Variants in MIER1 observed in about 807,000 individuals in gnomAD.
MIER1 encodes the protein MIER1 transcriptional regulator, also known as mesoderm induction early response protein 1.
MIER1 carries 40 observed loss-of-function variants against 75.7 expected under a neutral mutation model. That is an observed-to-expected ratio of 0.53 (90% CI 0.41 to 0.69). The LOEUF (loss-of-function observed/expected upper bound fraction) is 0.69. Ranked by LOEUF, MIER1 falls within the 30% of genes least tolerant of loss-of-function variation. The pLI, the probability that MIER1 is intolerant of heterozygous loss-of-function variation, is 0.00. For synonymous variants in MIER1, 213 were observed against 223.4 expected (o/e 0.95, Z 0.42); for missense variants, 574 against 680.2 (o/e 0.84, Z 1.74).
Position 66,985,398 on chromosome 1 carries a change from A to AAT in MIER1, c.*499_*500insTA. On this transcript the variant is annotated 3_prime_UTR_variant, in exon 14 of 14. Transcript: ENST00000401041. ...ACCAAACAGTTTGAGTATCTTTATT[A>AAT]AGGAAACCCTTACGAATCCTGAAAA... The AAT allele has an allele frequency of 1.0e-6, 1 of 983,634 alleles. No individual in the cohort carries two copies. Among genetic ancestry groups the AAT allele is most frequent in the Non-Finnish European group, 1.2e-6 (1 of 828,142 alleles). 60.9% of individuals were successfully genotyped at this position (983,634 alleles called of 1,614,324 possible). A position where few individuals can be genotyped will look rare whatever the true frequency, so the allele number is the denominator to read the frequency against.
chr1:66,950,795 C>G (rs1358622955), intron 4 of MIER1, among the ~76,000 whole-genome samples: 1 of 151,018 alleles, frequency 6.6e-6, no homozygotes, highest in Non-Finnish European at 1.5e-5. Flanking sequence ...GTTTTATCTT[C>G]TAGTCAAGCC....
chr1:66,956,202 G>A (rs1377506412), intron 4 of MIER1, among the ~76,000 whole-genome samples: 3 of 152,098 alleles, frequency 2.0e-5, no homozygotes, highest in Non-Finnish European at 2.9e-5. Flanking sequence ...TGGGCAGATC[G>A]CTTGCATCCA....
intron 13 of MIER1, 32 bp from the exon 14 acceptor site, chr1:66,984,540 T>C: frequency 6.7e-7 from 1 of 1,488,832 alleles, no homozygotes; most frequent in Non-Finnish European, 9.1e-7. Flanking sequence ...TTTTTTCTAA[T>C]TGTGGTTTCA....
rs955573720 is a variant in MIER1 at position 66,984,813 on chromosome 1, T to C, written c.1611T>C (p.Asn537=). 2.5e-6 allele frequency: 4 copies of C among 1,613,532 alleles called. No individual in the cohort carries two copies. In the African/African-American group the frequency reaches 5.3e-5, roughly 22 times the overall value. ...CCAAAAGGCGAAGGGTAAACAGCAA[T>C]GGAAAAGAAAGTCCAGGTTCTTCTG... ...RPAKRRRVNS[N]GKESPGSSEF... Residue 537 remains asparagine (N), a synonymous_variant, in exon 14 of 14, where the codon AAT becomes AAC. Transcript: ENST00000401041.
At chr1:66,956,801 T>G (rs1303084907) in intron 4 of MIER1, among the ~76,000 whole-genome samples, 4 of 152,262 alleles carry the variant, frequency 2.6e-5, no homozygotes, top group Non-Finnish European at 5.9e-5. Flanking sequence ...ATAGAAGTTT[T>G]GGATGACAGT....
intron 7 of MIER1, 91 bp downstream of exon 7, chr1:66,959,834 A>T: frequency 1.9e-6 from 1 of 520,556 alleles, no homozygotes; most frequent in Non-Finnish European, 3.3e-6. Flanking sequence ...CTAACTATGT[A>T]TATTGATAAA....
rs1652865704 is a variant in MIER1, at chr1:66,930,398, G to A, written c.168+4156G>A. The A allele has an allele frequency of 2.5e-6, 4 of 1,608,008 alleles. No homozygotes were observed. In the South Asian group the frequency reaches 4.4e-5, roughly 18 times the overall value. On this transcript the variant is annotated intron_variant, in intron 2 of 13. Transcript: ENST00000401041. ...ACCCGGCAGTACGGCAAATATGGCG[G>A]AGGTAAGGGAGCGAGCTCCCCCTCC...
At chr1:66,931,108 C>T (rs1205411173) in intron 2 of MIER1, among the ~76,000 whole-genome samples, 2 of 148,360 alleles carry the variant, frequency 1.3e-5, no homozygotes, top group Non-Finnish European at 3.0e-5. Context: ...TCTTCTTTCT[C>T]TTCTAATTTT....
At chr1:66,957,036 G>C (rs527269559) in intron 4 of MIER1, among the ~76,000 whole-genome samples, 1 of 151,694 alleles carries the variant, frequency 6.6e-6, no homozygotes, top group Non-Finnish European at 1.5e-5. Context: ...TTTTTTTCTA[G>C]CTTCTAAACT....
chr1:66,945,354 AT>A (rs1657370931), intron 3 of MIER1, among the ~76,000 whole-genome samples: 1 of 147,894 alleles, frequency 6.8e-6, no homozygotes, highest in Admixed American at 6.8e-5. Flanking sequence ...GTAAATAGTT[AT>A]ACTGTGTTGT....
intron 4 of MIER1, among the ~76,000 whole-genome samples, chr1:66,957,220 G>A (rs1176091525): frequency 6.6e-6 from 1 of 152,136 alleles, no homozygotes; most frequent in African/African-American, 2.4e-5. Flanking sequence ...AGTTTGTATA[G>A]AAAGCTGATT....
intron 8 of MIER1, among the ~76,000 whole-genome samples, chr1:66,965,928 CCTGA>C (rs1176940773): frequency 6.6e-6 from 1 of 152,114 alleles, no homozygotes; most frequent in Non-Finnish European, 1.5e-5. Context: ...CTTTTCCGTG[CCTGA>C]CTTTTTGCTT....
chr1:66,941,716 A>G (rs942961271), intron 3 of MIER1, among the ~76,000 whole-genome samples: 1 of 152,190 alleles, frequency 6.6e-6, no homozygotes, highest in Non-Finnish European at 1.5e-5. Flanking sequence ...CATGCCTGTA[A>G]TCCCAACACT....
Position 66,972,987 on chromosome 1 carries a change from A to G in MIER1, c.1097A>G (p.Asn366Ser), listed in dbSNP as rs1183221138. ...AAGGATTTTCATTTGATTCAGGCTA[A>G]TAAAGTAAGTAATGATAATCTCTTT... ...YGKDFHLIQA[N>S]KVRTRSVGEC... The change falls in exon 11 of 14, where the codon AAT (asparagine) becomes AGT (serine). Residue 366 changes from asparagine to serine, a missense_variant. Physicochemically the swap from Asn to Ser is conservative, Grantham distance 46. Transcript: ENST00000401041. 2 of 1,575,822 alleles carry G rather than the reference A, an allele frequency of 1.3e-6. No homozygotes were observed. The highest frequency in any genetic ancestry group is 8.7e-7 in the Non-Finnish European group (1 of 1,146,622).
At chr1:66,948,270 A>C in intron 4 of MIER1, 1 of 910,730 alleles carries the variant, frequency 1.1e-6, no homozygotes, top group Middle Eastern at 5.7e-4. Context: ...TGATAAAAAG[A>C]ACATAAGAAA....
chr1:66,952,619 C>T (rs1417888463), intron 4 of MIER1, among the ~76,000 whole-genome samples: 1 of 152,104 alleles, frequency 6.6e-6, no homozygotes, highest in African/African-American at 2.4e-5. Context: ...TTTATTTTCT[C>T]TATTTCTGCT....
chr1:66,930,213 G>A (rs1423949408), intron 2 of MIER1: 3 of 1,384,714 alleles, frequency 2.2e-6, no homozygotes, highest in Non-Finnish European at 2.8e-6. Flanking sequence ...GCCGCGAGGG[G>A]GCGGAGTGGG....
At position 66,968,100 on chromosome 1, in the gene MIER1, C is replaced by T. The variant is rs77328681; in HGVS notation, c.773-2708C>T. Among the ~76,000 whole-genome samples the T allele has an allele frequency of 6.4e-3, 969 of 151,900 alleles. 9 individuals are homozygous for T. Among genetic ancestry groups the T allele is most frequent in the African/African-American group, 0.022 (902 of 41,420 alleles). On this transcript the variant is annotated intron_variant, in intron 8 of 13. Transcript: ENST00000401041. Reference sequence around the variant, plus strand: ...ATGCATATGTAATTTTTTTCAGGGACGAGTGATTTATGAAGCTTTCTCATT... The same window carrying T: ...ATGCATATGTAATTTTTTTCAGGGATGAGTGATTTATGAAGCTTTCTCATT...
intron 2 of MIER1, among the ~76,000 whole-genome samples, chr1:66,927,173 T>G (rs1051760961): frequency 6.6e-6 from 1 of 152,148 alleles, no homozygotes; most frequent in African/African-American, 2.4e-5. Flanking sequence ...AGTAAATTGC[T>G]TACAAATGAT....
Sources: gnomAD v4.1 joint callset for allele counts (sites outside exome capture counted in the v4.1 genomes callset) on GRCh38, gnomAD v4.1.1 for gene constraint, MANE v1.5 for transcripts, NCBI Gene and HGNC (gene_info 2026-07-23, HGNC 2026-07-21) for gene names.